The following RPA1 variants were observed in gnomAD, a reference collection of about 807,000 sequenced individuals.
RPA1 encodes replication protein A 70 kDa DNA-binding subunit.
RPA1 carries 49 observed loss-of-function variants against 83.0 expected under a neutral mutation model. The observed-to-expected ratio is 0.59, with a 90% confidence interval of 0.47 to 0.75. The LOEUF (loss-of-function observed/expected upper bound fraction) is 0.75. Ranked by LOEUF, RPA1 falls within the 30% of genes least tolerant of loss-of-function variation. RPA1 has a pLI of 0.00. For synonymous variants in RPA1, 279 were observed against 281.8 expected, an observed-to-expected ratio of 0.99 and a Z score of 0.10; for missense variants, 693 against 776.1, an observed-to-expected ratio of 0.89 and a Z score of 1.27.
intron 14 of RPA1, among the ~76,000 whole-genome samples, chr17:1,890,526 G>A (rs1337915704): frequency 1.3e-5 from 2 of 151,822 alleles, no homozygotes; most frequent in Non-Finnish European, 2.9e-5. Context: ...AGCCAGGCGT[G>A]GTGGCGGGCA....
At chr17:1,879,090 A>G in intron 9 of RPA1, 29 bp downstream of exon 9, 2 of 1,613,446 alleles carry the variant, frequency 1.2e-6, no homozygotes, top group South Asian at 1.1e-5. Context: ...TAGAACTGAC[A>G]CCGCCTGGGG....
intron 14 of RPA1, among the ~76,000 whole-genome samples, chr17:1,891,077 T>C (rs1351659479): frequency 2.0e-5 from 3 of 152,230 alleles, no homozygotes; most frequent in Non-Finnish European, 4.4e-5. Flanking sequence ...CCATGCAAAA[T>C]GAAGATGTAA....
At chr17:1,861,968 C>T (rs944628594) in intron 5 of RPA1, among the ~76,000 whole-genome samples, 3 of 151,592 alleles carry the variant, frequency 2.0e-5, no homozygotes, top group African/African-American at 7.3e-5. Context: ...GGCGCGGTCT[C>T]GGTTGACTGC....
At chr17:1,838,286 G>A (rs549537332) in intron 1 of RPA1, among the ~76,000 whole-genome samples, 28 of 144,972 alleles carry the variant, frequency 1.9e-4, no homozygotes, top group Middle Eastern at 4.8e-3. Context: ...GCAAAACTCC[G>A]TCTCAAAAAA....
chr17:1,873,992 C>CAAAAAAAAAAA (rs71150832), intron 6 of RPA1, among the ~76,000 whole-genome samples: 2 of 45,420 alleles, frequency 4.4e-5, no homozygotes, highest in African/African-American at 3.2e-4. Context: ...GACTCTGTCT[C>CAAAAAAAAAAA]AAAAAAAAAA....
intron 15 of RPA1, among the ~76,000 whole-genome samples, chr17:1,893,547 T>G (rs1914276882): frequency 6.6e-6 from 1 of 152,260 alleles, no homozygotes; most frequent in African/African-American, 2.4e-5. Context: ...ACTAGGTTGG[T>G]GTGAACTATT....
At chr17:1,866,282 C>T (rs12951484) in intron 5 of RPA1, among the ~76,000 whole-genome samples, 118,315 of 151,500 alleles carry the variant, frequency 0.78, 48,098 homozygotes, top group Non-Finnish European at 0.9. Context: ...TAGAGATAAT[C>T]CCATATACTT....
At chr17:1,882,972 C>T (rs1913851918) in intron 12 of RPA1, among the ~76,000 whole-genome samples, 1 of 152,154 alleles carries the variant, frequency 6.6e-6, no homozygotes, top group Non-Finnish European at 1.5e-5. Flanking sequence ...ATTCTCTTCA[C>T]CACTGGGGGG....
chr17:1,853,494 C>A (rs1163709017), intron 5 of RPA1, among the ~76,000 whole-genome samples: 2 of 152,186 alleles, frequency 1.3e-5, no homozygotes, highest in Admixed American at 1.3e-4. Context: ...ACCAGTCTGG[C>A]CAGCATGGCA....
intron 12 of RPA1, among the ~76,000 whole-genome samples, chr17:1,881,755 G>A (rs1421734375): frequency 2.6e-5 from 4 of 152,072 alleles, no homozygotes; most frequent in African/African-American, 4.8e-5. Context: ...TAAAAAGCAC[G>A]GCTGTCCCCA....
intron 5 of RPA1, among the ~76,000 whole-genome samples, chr17:1,869,861 G>T (rs1913314610): frequency 6.6e-6 from 1 of 152,170 alleles, no homozygotes; most frequent in Non-Finnish European, 1.5e-5. Flanking sequence ...TTGGCTCCGG[G>T]CTGTCTCTCG....
chr17:1,875,554 TG>T, intron 6 of RPA1, 106 bp from the exon 7 acceptor site: 1 of 1,202,008 alleles, frequency 8.3e-7, no homozygotes, highest in Non-Finnish European at 1.2e-6. Flanking sequence ...TCATGTTATA[TG>T]ATTTCACTAG....
chr17:1,837,743 A>G (rs1911879116), intron 1 of RPA1, among the ~76,000 whole-genome samples: 1 of 152,168 alleles, frequency 6.6e-6, no homozygotes, highest in African/African-American at 2.4e-5. Flanking sequence ...GTGTCTGTTC[A>G]CATCTTTTGT....
rs370935846 is a variant in RPA1 at position 1,898,624 on chromosome 17, C to G, written c.*1449C>G. ...GTGATGGTGTCCTGTCTGTCTCCCC[C>G]CTCGGTGTCTGCCGTTGACATAGGG... On this transcript the variant is annotated 3_prime_UTR_variant, in exon 17 of 17. Coordinates refer to ENST00000254719, the MANE Select transcript of RPA1 (RefSeq NM_002945.5). 1.3e-5 allele frequency: 2 copies of G among 152,376 alleles called. No individual in the cohort carries two copies. The highest frequency in any genetic ancestry group is 6.5e-5 in the Admixed American group (1 of 15,310). 9.4% of individuals were successfully genotyped at this position (152,376 alleles called of 1,614,324 possible).
intron 5 of RPA1, among the ~76,000 whole-genome samples, chr17:1,855,171 AT>A (rs550428694): frequency 4.7e-4 from 69 of 147,938 alleles, no homozygotes; most frequent in African/African-American, 1.3e-3. Context: ...ACATTGATTG[AT>A]TTTTTTTTTT....
intron 13 of RPA1, among the ~76,000 whole-genome samples, chr17:1,888,319 G>A (rs941348520): frequency 6.6e-6 from 1 of 152,174 alleles, no homozygotes; most frequent in African/African-American, 2.4e-5. Context: ...GCCTTTGGAG[G>A]GTCAGAGGAT....
At chr17:1,892,451 A>T (rs1914238368) in intron 15 of RPA1, among the ~76,000 whole-genome samples, 1 of 152,252 alleles carries the variant, frequency 6.6e-6, no homozygotes, top group South Asian at 2.1e-4. Context: ...TTAACAGTGA[A>T]ATAATGTATA....
intron 5 of RPA1, among the ~76,000 whole-genome samples, chr17:1,866,740 C>A (rs898968433): frequency 6.6e-6 from 1 of 152,234 alleles, no homozygotes; most frequent in South Asian, 2.1e-4. Context: ...GGATTACAGG[C>A]GGGGACCGCT....
In RPA1 at chr17:1,831,898, CTTTTTTTTTTTTTT is replaced by C. The variant is rs138268342; in HGVS notation, c.33+1785_33+1798del. Among the ~76,000 whole-genome samples the C allele has an allele frequency of 2.7e-3, 101 of 37,850 alleles. 2 individuals carry two copies. The East Asian group carries it at 0.065, about 24-fold the overall frequency. 24.8% of individuals were successfully genotyped at this position (37,850 alleles called of 152,430 possible). On this transcript the variant is annotated intron_variant, in intron 1 of 16. Coordinates refer to ENST00000254719, the MANE Select transcript of RPA1 (RefSeq NM_002945.5). ...ACAGGCGTGAGCCACTGTGCCCGGC[CTTTTTTTTTTTTTT>C]TTTTTTTTTTTTGAGGCAGAGTCTC... is the stretch of plus-strand genomic sequence containing the variant.
Sources: allele counts gnomAD v4.1 joint callset (sites outside exome capture counted in the v4.1 genomes callset), GRCh38; gene constraint gnomAD v4.1.1; transcripts MANE v1.5; gene names NCBI Gene and HGNC (gene_info 2026-07-23, HGNC 2026-07-21).